Variants in WDR70 observed in about 807,000 individuals in gnomAD.
WDR70 encodes the protein WD repeat domain 70, also known as WD repeat-containing protein 70.
In WDR70, 53 loss-of-function variants were observed where a neutral mutation model predicts 88.6. The ratio of observed to expected loss-of-function variants is 0.60; its 90% confidence interval spans 0.48 to 0.75. WDR70 has a LOEUF of 0.75. Among genes scored for constraint, WDR70 ranks in the 30% least tolerant of loss-of-function variants. The pLI, the probability that WDR70 is intolerant of heterozygous loss-of-function variation, is 0.00. For missense variants in WDR70, 610 were observed against 823.2 expected (o/e 0.74, Z 3.17); for synonymous variants, 280 against 270.0 (o/e 1.04, Z -0.36).
intron 9 of WDR70, among the ~76,000 whole-genome samples, chr5:37,546,305 G>T (rs916969035): frequency 6.6e-6 from 1 of 152,094 alleles, no homozygotes; most frequent in Non-Finnish European, 1.5e-5. Context: ...TAATTTTTAC[G>T]CAGAATGTTG....
chr5:37,430,845 C>T (rs1372440824), intron 5 of WDR70, among the ~76,000 whole-genome samples: 1 of 151,906 alleles, frequency 6.6e-6, no homozygotes, highest in Non-Finnish European at 1.5e-5. Context: ...CAGATGCGAG[C>T]CACCGTGCCC....
chr5:37,725,100 G>A (rs369069729), intron 16 of WDR70, 50 bp downstream of exon 16: 1 of 1,512,424 alleles, frequency 6.6e-7, no homozygotes, highest in East Asian at 2.3e-5. Flanking sequence ...GAGGCAGGGT[G>A]GGGTAATTGA....
intron 10 of WDR70, among the ~76,000 whole-genome samples, chr5:37,655,309 G>A (rs912339331): frequency 8.5e-5 from 13 of 152,292 alleles, no homozygotes; most frequent in African/African-American, 2.4e-4. Context: ...AGAGAGATGC[G>A]CTGTTAGTCT....
intron 10 of WDR70, among the ~76,000 whole-genome samples, chr5:37,685,082 A>G (rs1037149472): frequency 3.3e-5 from 5 of 151,670 alleles, no homozygotes; most frequent in Non-Finnish European, 7.4e-5. Context: ...AGTGTTCTCC[A>G]TCTCTATTTT....
chr5:37,427,252 G>A (rs1301507325), intron 5 of WDR70, among the ~76,000 whole-genome samples: 1 of 152,140 alleles, frequency 6.6e-6, no homozygotes, highest in Non-Finnish European at 1.5e-5. Context: ...AGCTGGGCGT[G>A]GTGGCGGGCG....
At chr5:37,459,420 G>C (rs559391260) in intron 7 of WDR70, among the ~76,000 whole-genome samples, 7,058 of 150,012 alleles carry the variant, frequency 0.047, 465 homozygotes, top group African/African-American at 0.16. Context: ...ACAAACCTGA[G>C]AAAAACAAGC....
Position 37,514,314 on chromosome 5 carries a change from C to T in WDR70, c.841-2200C>T, listed in dbSNP as rs375665272. ...GGATTATAGTTGTGAGCCACTGTGC[C>T]GACATTATGGCATATTTAGAACTAC... is the stretch of plus-strand genomic sequence containing the variant. On this transcript the variant is annotated intron_variant, in intron 8 of 17. Transcript: ENST00000265107. Among the ~76,000 whole-genome samples, 16 of 58,878 alleles carry T rather than the reference C, an allele frequency of 2.7e-4. No individual in the cohort carries two copies. The East Asian group carries it at 4.0e-3, about 15-fold the overall frequency. The allele number at this position is 58,878 out of a possible 152,430, so 38.6% of individuals were successfully genotyped here.
chr5:37,532,897 A>T (rs925146032), intron 9 of WDR70, among the ~76,000 whole-genome samples: 14 of 152,152 alleles, frequency 9.2e-5, no homozygotes, highest in Non-Finnish European at 1.9e-4. Context: ...AAATTATGTC[A>T]GAGGGAAGAT....
intron 8 of WDR70, among the ~76,000 whole-genome samples, chr5:37,492,499 A>C (rs1186148368): frequency 2.0e-5 from 3 of 152,216 alleles, no homozygotes; most frequent in Admixed American, 6.5e-5. Context: ...ATTGTGTGAC[A>C]CAATGGACTT....
At chr5:37,627,757 T>C (rs963104386) in intron 10 of WDR70, among the ~76,000 whole-genome samples, 2 of 152,226 alleles carry the variant, frequency 1.3e-5, no homozygotes, top group African/African-American at 4.8e-5. Flanking sequence ...TTGTTATGTC[T>C]AGTTTTATTT....
intron 8 of WDR70, among the ~76,000 whole-genome samples, chr5:37,482,258 T>G (rs1217712861): frequency 6.6e-6 from 1 of 152,128 alleles, no homozygotes; most frequent in South Asian, 2.1e-4. Flanking sequence ...CCCACTCTAC[T>G]GGTATCAACT....
At chr5:37,489,885 G>A (rs944600234) in intron 8 of WDR70, among the ~76,000 whole-genome samples, 1 of 151,948 alleles carries the variant, frequency 6.6e-6, no homozygotes, top group African/African-American at 2.4e-5. Flanking sequence ...ATGCTGGTGC[G>A]CTGCACCCAC....
Position 37,576,560 on chromosome 5 carries a change from G to C in WDR70, c.918-28504G>C, listed in dbSNP as rs185688047. On this transcript the variant is annotated intron_variant, in intron 9 of 17. Coordinates refer to ENST00000265107, the MANE Select transcript of WDR70 (RefSeq NM_018034.4). The stretch of plus-strand genomic sequence containing the variant: ...GTCTCTAAACTTTATTTTCACTTAG[G>C]ACATTAGAACAACTAGGCTCTTTTT... Among the ~76,000 whole-genome samples the C allele has an allele frequency of 1.6e-3, 246 of 152,080 alleles. 2 individuals are homozygous for C. The highest frequency in any genetic ancestry group is 5.5e-3 in the African/African-American group (230 of 41,500).
chr5:37,484,035 A>G (rs1378065131), intron 8 of WDR70, among the ~76,000 whole-genome samples: 255 of 119,678 alleles, frequency 2.1e-3, no homozygotes, highest in African/African-American at 4.6e-3. Context: ...CCTAGACGGG[A>G]TGGCGGCCGG....
intron 9 of WDR70, among the ~76,000 whole-genome samples, chr5:37,594,018 G>C (rs1183842235): frequency 6.6e-6 from 1 of 152,064 alleles, no homozygotes; most frequent in African/African-American, 2.4e-5. Flanking sequence ...TTGTAAATTT[G>C]TTTAAGTTAT....
At chr5:37,471,562 GT>G (rs974238906) in intron 7 of WDR70, among the ~76,000 whole-genome samples, 3 of 151,242 alleles carry the variant, frequency 2.0e-5, no homozygotes, top group Non-Finnish European at 4.4e-5. Flanking sequence ...TTTTTGGCTT[GT>G]TTTGTCACTG....
intron 10 of WDR70, among the ~76,000 whole-genome samples, chr5:37,657,499 GCTACTTA>G (rs1209582942): frequency 7.2e-5 from 11 of 152,262 alleles, no homozygotes; most frequent in Middle Eastern, 6.8e-3. Context: ...GAGTGAACTT[GCTACTTA>G]CTATGAATTT....
intron 3 of WDR70, among the ~76,000 whole-genome samples, chr5:37,384,446 G>C (rs1457188160): frequency 4.0e-5 from 6 of 151,524 alleles, no homozygotes; most frequent in Non-Finnish European, 8.8e-5. Flanking sequence ...GGATCACGAG[G>C]TCAGGAGATT....
chr5:37,443,432 A>G, intron 7 of WDR70, 60 bp downstream of exon 7: 2 of 1,588,894 alleles, frequency 1.3e-6, no homozygotes, highest in Non-Finnish European at 8.6e-7. Flanking sequence ...ATTGGAAGAC[A>G]GTGCTGTTGG....
Sources: allele counts gnomAD v4.1 joint callset (sites outside exome capture counted in the v4.1 genomes callset), GRCh38; gene constraint gnomAD v4.1.1; transcripts MANE v1.5; gene names NCBI Gene and HGNC (gene_info 2026-07-23, HGNC 2026-07-21).